Variants in FBXO3 observed in about 807,000 individuals in gnomAD.
FBXO3 encodes F-box protein 3, also known as F-box only protein 3.
FBXO3 carries 17 observed loss-of-function variants against 64.8 expected under a neutral mutation model. The observed-to-expected ratio is 0.26, with a 90% CI of 0.18 to 0.39. FBXO3 has a LOEUF of 0.39. Ranked by LOEUF, FBXO3 falls within the 10% of genes least tolerant of loss-of-function variation. The probability of loss-of-function intolerance (pLI) is 1.00; values close to 1 mark genes in which losing one functional copy is unlikely to be tolerated. For missense variants in FBXO3, 420 were observed against 589.9 expected, an observed-to-expected ratio of 0.71 and a Z score of 2.98; for synonymous variants, 182 against 201.6, an observed-to-expected ratio of 0.90 and a Z score of 0.82.
chr11:33,770,434 C>T (rs1855483405), intron 2 of FBXO3, among the ~76,000 whole-genome samples: 1 of 152,190 alleles, frequency 6.6e-6, no homozygotes. Flanking sequence ...AAAGGTCCAG[C>T]AGACAGTTGT....
chr11:33,756,526 A>T (rs899671042), intron 4 of FBXO3, among the ~76,000 whole-genome samples: 1 of 152,228 alleles, frequency 6.6e-6, no homozygotes, highest in African/African-American at 2.4e-5. Context: ...TCAATGCTTG[A>T]GCCATGTATA....
intron 3 of FBXO3, chr11:33,763,211 C>G (rs1386590794): frequency 2.3e-6 from 1 of 427,768 alleles, no homozygotes; most frequent in Non-Finnish European, 4.8e-6. Flanking sequence ...CTTACATAAA[C>G]TCTTCCAGGG....
At chr11:33,749,185 C>T (rs563595138) in intron 8 of FBXO3, among the ~76,000 whole-genome samples, 29 of 152,284 alleles carry the variant, frequency 1.9e-4, no homozygotes, top group African/African-American at 5.8e-4. Flanking sequence ...AACAATCTTT[C>T]GCTGTTCAAA....
At position 33,741,740 on chromosome 11, in the gene FBXO3, C is replaced by T; in HGVS notation, c.*168G>A. ...TCTACCTCAAAAACACAAAGCAAAC[C>T]CAAACAATCCAATTCCTAATGTAGT... is the stretch of plus-strand genomic sequence containing the variant. On this transcript the variant is annotated 3_prime_UTR_variant, in exon 11 of 11. Transcript: ENST00000265651. 1.8e-6 allele frequency: 1 copy of T among 565,588 alleles called. No homozygotes were observed. 35.0% of individuals were successfully genotyped at this position (565,588 alleles called of 1,614,324 possible).
At chr11:33,752,888 T>C (rs1854998387) in intron 6 of FBXO3, among the ~76,000 whole-genome samples, 1 of 152,246 alleles carries the variant, frequency 6.6e-6, no homozygotes, top group Admixed American at 6.5e-5. Flanking sequence ...TGGCATGGTG[T>C]ATTTTAATCT....
At chr11:33,746,957 C>A in intron 10 of FBXO3, 173 bp downstream of exon 10, 4 of 1,455,580 alleles carry the variant, frequency 2.7e-6, no homozygotes, top group East Asian at 2.5e-5. Flanking sequence ...GACTATGGAG[C>A]CTCATTTACT....
intron 6 of FBXO3, among the ~76,000 whole-genome samples, chr11:33,752,047 G>C (rs1027268319): frequency 6.6e-6 from 1 of 152,212 alleles, no homozygotes; most frequent in Non-Finnish European, 1.5e-5. Context: ...CCTGACTCAA[G>C]CACAAAATTT....
chr11:33,767,444 C>T (rs970273820), intron 3 of FBXO3, among the ~76,000 whole-genome samples: 2 of 152,206 alleles, frequency 1.3e-5, no homozygotes, highest in African/African-American at 2.4e-5. Context: ...GGACTACAGG[C>T]GCATGCCACC....
At chr11:33,742,775 C>A (rs187013273) in intron 10 of FBXO3, 1 of 152,222 alleles carries the variant, frequency 6.6e-6, no homozygotes, top group Non-Finnish European at 1.5e-5. Context: ...GTAGCCTCTA[C>A]TTTTTAAAAA....
intron 3 of FBXO3, chr11:33,763,375 T>C (rs951335834): frequency 2.7e-5 from 9 of 333,192 alleles, no homozygotes; most frequent in African/African-American, 1.9e-4. Flanking sequence ...TAGCAGATTA[T>C]ATCCAGTACA....
chr11:33,769,113 C>T, intron 2 of FBXO3, 99 bp from the exon 3 acceptor site: 1 of 1,001,980 alleles, frequency 1.0e-6, no homozygotes, highest in South Asian at 2.1e-5. Context: ...TTTTCCCTTC[C>T]TTTTCATTAT....
At chr11:33,757,327 T>C (rs1402311684) in intron 4 of FBXO3, among the ~76,000 whole-genome samples, 2 of 151,896 alleles carry the variant, frequency 1.3e-5, no homozygotes, top group Non-Finnish European at 2.9e-5. Context: ...CTGCATGGTC[T>C]ACTTTTACCC....
chr11:33,745,931 A>G (rs2133592495), intron 10 of FBXO3: 1 of 152,322 alleles, frequency 6.6e-6, no homozygotes, highest in East Asian at 1.9e-4. Context: ...AGAACAAAAG[A>G]GGACAAGTGA....
chr11:33,748,984 A>T, intron 8 of FBXO3, 92 bp from the exon 9 acceptor site: 1 of 636,284 alleles, frequency 1.6e-6, no homozygotes, highest in South Asian at 3.4e-5. Flanking sequence ...TACTATGAAG[A>T]AAAATTTCCA....
chr11:33,741,936 C>G lies in FBXO3; in HGVS notation c.1388G>C (p.Arg463Pro). 1.2e-6 allele frequency: 2 copies of G among 1,613,116 alleles called. No individual in the cohort carries two copies. Among genetic ancestry groups the G allele is most frequent in the Non-Finnish European group, 8.5e-7 (1 of 1,179,466 alleles). ...RRRRVFDVPI[R>P]RRRCSRLF ...AAAAAGGCGTGAGCAGCGGCGTCTG[C>G]GAATGGGAACATCAAAGACTCTCCT... The change falls in exon 11 of 11, where the codon CGC (arginine) becomes CCC (proline). Residue 463 changes from arginine (R) to proline (P), a missense_variant. Physicochemically the swap from Arg to Pro is moderately radical, Grantham distance 103. Transcript: ENST00000265651.
At chr11:33,749,394 C>G (rs1435078950) in intron 8 of FBXO3, among the ~76,000 whole-genome samples, 1 of 148,300 alleles carries the variant, frequency 6.7e-6, no homozygotes, top group East Asian at 2.0e-4. Context: ...GGGTCTCACT[C>G]TGCCACCCAG....
Position 33,770,094 on chromosome 11 carries a change from A to G in FBXO3, c.194+647T>C, listed in dbSNP as rs143946647. 3.2e-3 allele frequency among the ~76,000 whole-genome samples: 488 copies of G among 152,252 alleles called. 4 individuals carry two copies. Among genetic ancestry groups the G allele is most frequent in the African/African-American group, 0.011 (467 of 41,546 alleles). ...TGATTTATCAACTTCACATGTATCT[A>G]CTGATACCCCAAAGGGAAACACGGG... On this transcript the variant is annotated intron_variant, in intron 2 of 10. Transcript: ENST00000265651.
At chr11:33,750,496 A>G in intron 8 of FBXO3, 43 bp downstream of exon 8, 2 of 1,608,686 alleles carry the variant, frequency 1.2e-6, no homozygotes, top group Non-Finnish European at 1.7e-6. Context: ...CATTGGATAT[A>G]TCCCACCATT....
intron 2 of FBXO3, among the ~76,000 whole-genome samples, chr11:33,769,583 A>G (rs1185483442): frequency 6.6e-6 from 1 of 152,196 alleles, no homozygotes; most frequent in Non-Finnish European, 1.5e-5. Context: ...CCAGTGAGAA[A>G]GAATGAAGTA....
Sources: allele counts gnomAD v4.1 joint callset (sites outside exome capture counted in the v4.1 genomes callset), GRCh38; gene constraint gnomAD v4.1.1; transcripts MANE v1.5; gene names NCBI Gene and HGNC (gene_info 2026-07-23, HGNC 2026-07-21).